The following HDAC9 variants were observed in gnomAD, a reference collection of about 807,000 sequenced individuals.
HDAC9 encodes MEF-2 interacting transcription repressor (MITR) protein.
In HDAC9, 41 loss-of-function variants were observed where a neutral mutation model predicts 139.4. The ratio of observed to expected loss-of-function variants is 0.29; its 90% CI spans 0.23 to 0.38. HDAC9 has a LOEUF of 0.38. Among genes scored for constraint, HDAC9 ranks in the 10% least tolerant of loss-of-function variants. The pLI is 1.00. For missense variants in HDAC9, 1,147 were observed against 1,297.0 expected, an observed-to-expected ratio of 0.88 and a Z score of 1.78; for synonymous variants, 517 against 476.2, an observed-to-expected ratio of 1.09 and a Z score of -1.12.
intron 12 of HDAC9, among the ~76,000 whole-genome samples, chr7:18,682,529 G>C (rs1781958628): frequency 6.6e-6 from 1 of 151,906 alleles, no homozygotes; most frequent in Admixed American, 6.6e-5. Context: ...AACTTTTAAA[G>C]AATGAATATA....
chr7:18,570,587 A>G (rs1377439989), intron 2 of HDAC9, among the ~76,000 whole-genome samples: 1 of 152,222 alleles, frequency 6.6e-6, no homozygotes, highest in Non-Finnish European at 1.5e-5. Context: ...GGAGTGGTTG[A>G]GATCATGGAC....
At chr7:18,132,627 C>T (rs1785087639) in intron 1 of HDAC9, among the ~76,000 whole-genome samples, 1 of 152,068 alleles carries the variant, frequency 6.6e-6, no homozygotes, top group African/African-American at 2.4e-5. Context: ...TTCCTTTCTG[C>T]ATTATGTGGA....
intron 1 of HDAC9, among the ~76,000 whole-genome samples, chr7:18,391,486 C>T (rs959861583): frequency 2.0e-5 from 3 of 152,060 alleles, no homozygotes; most frequent in Non-Finnish European, 4.4e-5. Flanking sequence ...TTAGATGTTT[C>T]GGGAAATCCT....
rs181740724 is a variant in HDAC9 at position 18,500,504 on chromosome 7, T to G, written c.22+4180T>G. Among the ~76,000 whole-genome samples, 29 of 152,264 alleles carry G rather than the reference T, an allele frequency of 1.9e-4. No individual in the cohort carries two copies. The East Asian group carries it at 5.6e-3, about 29-fold the overall frequency. ...TTTGATCATAACAGAGAGACCTGTC[T>G]CCTGGGCTGTCTTAGAATTTTACTG... is the stretch of plus-strand genomic sequence containing the variant. On this transcript the variant is annotated intron_variant, in intron 2 of 25. Coordinates refer to ENST00000686413, the MANE Select transcript of HDAC9 (RefSeq NM_178425.4).
chr7:18,540,979 A>G (rs1055377264), intron 2 of HDAC9, among the ~76,000 whole-genome samples: 5 of 152,126 alleles, frequency 3.3e-5, no homozygotes, highest in Admixed American at 3.3e-4. Context: ...TAATGTGCCT[A>G]AGATCATACA....
chr7:18,359,580 TG>T (rs1257313218), intron 1 of HDAC9, among the ~76,000 whole-genome samples: 3 of 152,166 alleles, frequency 2.0e-5, no homozygotes, highest in African/African-American at 7.2e-5. Context: ...GCACCTGCTT[TG>T]TGTCTCCAGG....
chr7:18,634,940 A>C (rs539330346), intron 8 of HDAC9, among the ~76,000 whole-genome samples, 198 bp downstream of exon 8: 1 of 152,230 alleles, frequency 6.6e-6, no homozygotes, highest in East Asian at 1.9e-4. Context: ...CCTATAAGAA[A>C]TGAACTGATA....
At chr7:18,345,594 A>T (rs1782351219) in intron 1 of HDAC9, among the ~76,000 whole-genome samples, 1 of 151,870 alleles carries the variant, frequency 6.6e-6, no homozygotes, top group Non-Finnish European at 1.5e-5. Flanking sequence ...AAAAACTACA[A>T]AATTTCAAGG....
In HDAC9 at chr7:18,865,354, A is replaced by AAAATTG. The variant is rs1360136343; in HGVS notation, c.2685-9123_2685-9122insAATTGA. On this transcript the variant is annotated intron_variant, in intron 21 of 25. Transcript: ENST00000686413. ...TTGAGAAAGAGACAGGGAGCTGCCA[A>AAAATTG]AGATGAAAAATTGAGGCAATAAAAA... 4.5e-3 allele frequency among the ~76,000 whole-genome samples: 692 copies of AAAATTG among 152,278 alleles called. 2 individuals are homozygous for AAAATTG. The highest frequency in any genetic ancestry group is 0.016 in the African/African-American group (669 of 41,562).
chr7:18,273,571 G>C (rs539878976), intron 2 of HDAC9, among the ~76,000 whole-genome samples: 1 of 152,114 alleles, frequency 6.6e-6, no homozygotes, highest in African/African-American at 2.4e-5. Context: ...AAGCACAAAA[G>C]CAATTCCAGA....
chr7:18,477,641 A>T (rs938141531), intron 1 of HDAC9, among the ~76,000 whole-genome samples: 2 of 152,204 alleles, frequency 1.3e-5, no homozygotes, highest in Non-Finnish European at 2.9e-5. Context: ...AGCCTTTGAA[A>T]CTTAAAGCCA....
At position 18,128,545 on chromosome 7, in the gene HDAC9, C is replaced by T. The variant is rs572462048; in HGVS notation, c.-96-33684C>T. Among the ~76,000 whole-genome samples, 3 of 152,072 alleles carry T rather than the reference C, an allele frequency of 2.0e-5. No individual in the cohort carries two copies. The South Asian group carries it at 6.2e-4, about 32-fold the overall frequency. Reference sequence around the variant, plus strand: ...TTTCTCAGAACTGCTTCTCAGGACACCTTAGGGTAGCTGAGTGATTACAAA... The same window carrying T: ...TTTCTCAGAACTGCTTCTCAGGACATCTTAGGGTAGCTGAGTGATTACAAA... On this transcript the variant is annotated intron_variant, in intron 1 of 12. Transcript: ENST00000417496.
chr7:18,445,629 G>T (rs1438408356), intron 1 of HDAC9, among the ~76,000 whole-genome samples: 1 of 152,186 alleles, frequency 6.6e-6, no homozygotes, highest in African/African-American at 2.4e-5. Context: ...CTGTTTATCA[G>T]TGCCAGTAAT....
chr7:18,978,361 C>G (rs778919671), intron 25 of HDAC9, among the ~76,000 whole-genome samples: 4 of 152,084 alleles, frequency 2.6e-5, no homozygotes, highest in Admixed American at 6.6e-5. Flanking sequence ...GGCTAAGAAC[C>G]ATTGTAAGTA....
chr7:18,528,606 T>C (rs1156385727), intron 2 of HDAC9, among the ~76,000 whole-genome samples: 3 of 152,154 alleles, frequency 2.0e-5, no homozygotes, highest in African/African-American at 7.2e-5. Flanking sequence ...ACCAGAATAA[T>C]TCCCTTTAAT....
At chr7:18,139,407 G>A (rs1349935364) in intron 1 of HDAC9, among the ~76,000 whole-genome samples, 1 of 152,154 alleles carries the variant, frequency 6.6e-6, no homozygotes, top group African/African-American at 2.4e-5. Context: ...GACTACAGGT[G>A]TGAGCCACTG....
intron 22 of HDAC9, among the ~76,000 whole-genome samples, chr7:18,928,459 T>G (rs1050064076): frequency 6.6e-6 from 1 of 152,222 alleles, no homozygotes; most frequent in Admixed American, 6.5e-5. Flanking sequence ...GCAAGGCTTC[T>G]TCCAACCCTA....
chr7:18,679,784 C>T lies in HDAC9; in HGVS notation c.1731+13308C>T, dbSNP rs78412314. ...TTTATAACATCTAAATACTAGGTAA[C>T]GTAAGTGTAATTTTTATTTTAAAAA... On this transcript the variant is annotated intron_variant, in intron 12 of 25. Coordinates refer to ENST00000686413, the MANE Select transcript of HDAC9 (RefSeq NM_178425.4). 1.6e-3 allele frequency among the ~76,000 whole-genome samples: 236 copies of T among 151,730 alleles called. 1 individual carries two copies. Among genetic ancestry groups the T allele is most frequent in the African/African-American group, 5.4e-3 (222 of 41,450 alleles).
intron 22 of HDAC9, among the ~76,000 whole-genome samples, chr7:18,908,806 A>C (rs754152542): frequency 6.6e-6 from 1 of 152,092 alleles, no homozygotes; most frequent in Non-Finnish European, 1.5e-5. Flanking sequence ...CCATTCATCC[A>C]TTAATGGACA....
Sources: allele counts gnomAD v4.1 joint callset (sites outside exome capture counted in the v4.1 genomes callset), GRCh38; gene constraint gnomAD v4.1.1; transcripts MANE v1.5; gene names NCBI Gene and HGNC (gene_info 2026-07-23, HGNC 2026-07-21).